The following ROBO2 variants were observed in gnomAD, a reference collection of about 807,000 sequenced individuals.
ROBO2 encodes the protein roundabout guidance receptor 2.
Under a neutral mutation model 160.8 loss-of-function variants are expected in ROBO2, and 53 were observed. The ratio of observed to expected loss-of-function variants is 0.33; its 90% CI spans 0.26 to 0.41. The LOEUF (loss-of-function observed/expected upper bound fraction) is 0.41. Among genes scored for constraint, ROBO2 ranks in the 10% least tolerant of loss-of-function variants. The probability of loss-of-function intolerance (pLI) is 1.00; values close to 1 mark genes in which losing one functional copy is unlikely to be tolerated. For missense variants in ROBO2, 1,577 were observed against 1,722.4 expected, an observed-to-expected ratio of 0.92 and a Z score of 1.49; for synonymous variants, 664 against 611.7, an observed-to-expected ratio of 1.09 and a Z score of -1.26.
intron 2 of ROBO2, among the ~76,000 whole-genome samples, chr3:77,221,721 A>G (rs1238309573): frequency 1.3e-5 from 2 of 152,226 alleles, no homozygotes; most frequent in African/African-American, 4.8e-5. Flanking sequence ...AAAGATCTAT[A>G]AAATAACAAT....
intron 2 of ROBO2, among the ~76,000 whole-genome samples, chr3:77,175,878 C>T (rs151126104): frequency 2.0e-5 from 3 of 151,984 alleles, no homozygotes; most frequent in East Asian, 3.9e-4. Flanking sequence ...TTTCAGATAA[C>T]GTTTTGGAAA....
rs1456962562 is a variant in ROBO2, at chr3:77,604,093, A to G, written c.3136+1602A>G. The G allele has an allele frequency of 3.3e-5, 5 of 152,198 alleles. 1 individual carries two copies. Among genetic ancestry groups the G allele is most frequent in the Admixed American group, 2.0e-4 (3 of 15,280 alleles). The allele number at this position is 152,198 out of a possible 1,614,324, so 9.4% of individuals were successfully genotyped here. A position where few individuals can be genotyped will look rare whatever the true frequency, so the allele number is the denominator to read the frequency against. On this transcript the variant is annotated intron_variant, in intron 20 of 25. Coordinates refer to ENST00000461745, the Ensembl canonical transcript of ROBO2. ...CAGGAGATGGAACCCTTTCAGTCTG[A>G]AAATGTTAATGCTCCCTCTTCCCTT...
rs146798401 is a variant in ROBO2, at chr3:77,619,002, A to G, written c.3554+1229A>G. ...CAGACTCAAGCTGAAGGGTTCTCAA[A>G]TTTGCCACATTTTAGAACCATTTGG... On this transcript the variant is annotated intron_variant, in intron 22 of 25. Transcript: ENST00000461745. 9.9e-4 allele frequency among the ~76,000 whole-genome samples: 150 copies of G among 152,206 alleles called. 1 individual carries two copies. The highest frequency in any genetic ancestry group is 1.6e-3 in the Admixed American group (25 of 15,288).
chr3:76,941,452 C>T (rs1322558942), intron 2 of ROBO2, among the ~76,000 whole-genome samples: 1 of 152,110 alleles, frequency 6.6e-6, no homozygotes, highest in Non-Finnish European at 1.5e-5. Context: ...CCCTCTGACC[C>T]TTGCCTTCCT....
At chr3:77,645,980 G>A in intron 25 of ROBO2, 74 bp from the exon 28 acceptor site, 1 of 1,092,708 alleles carries the variant, frequency 9.2e-7, no homozygotes. Flanking sequence ...TGTTGGCTTT[G>A]CTTTTTGTTA....
chr3:76,340,213 T>C (rs1460427072), intron 2 of ROBO2, among the ~76,000 whole-genome samples: 2 of 152,110 alleles, frequency 1.3e-5, no homozygotes, highest in Non-Finnish European at 2.9e-5. Flanking sequence ...AATACAAAGA[T>C]GAGTTAAAAG....
intron 2 of ROBO2, among the ~76,000 whole-genome samples, chr3:76,059,066 T>C (rs1249076126): frequency 1.3e-5 from 2 of 151,362 alleles, no homozygotes; most frequent in African/African-American, 4.9e-5. Context: ...ACATTTGGGT[T>C]GGTTCCAAGT....
At chr3:75,929,381 C>T (rs570371047) in intron 1 of ROBO2, among the ~76,000 whole-genome samples, 2 of 152,230 alleles carry the variant, frequency 1.3e-5, no homozygotes, top group South Asian at 4.1e-4. Flanking sequence ...ATTTACTAAG[C>T]TGCAGGAAAC....
intron 2 of ROBO2, among the ~76,000 whole-genome samples, chr3:77,361,784 A>AT (rs1215213569): frequency 3.9e-5 from 6 of 152,172 alleles, no homozygotes; most frequent in Admixed American, 1.3e-4. Context: ...GAGGGACATG[A>AT]ACATTCAGAC....
intron 1 of ROBO2, among the ~76,000 whole-genome samples, chr3:77,046,900 G>A (rs1403307723): frequency 2.6e-5 from 4 of 152,198 alleles, no homozygotes; most frequent in Admixed American, 1.3e-4. Flanking sequence ...TCATGACTTG[G>A]TAGGGAAGGT....
rs2088954318 is a variant in ROBO2 at position 76,620,226 on chromosome 3, T to C, written c.110-477788T>C. Among the ~76,000 whole-genome samples the C allele has an allele frequency of 1.3e-5, 2 of 152,174 alleles. 1 individual carries two copies. The highest frequency in any genetic ancestry group is 4.1e-4 in the South Asian group (2 of 4,832). Reference sequence around the variant, plus strand: ...GATATGACTAAATGCCATTTCTCCATGAGGATTTTCTTAATATGCTGTTTA... The same window carrying C: ...GATATGACTAAATGCCATTTCTCCACGAGGATTTTCTTAATATGCTGTTTA... On this transcript the variant is annotated intron_variant, in intron 2 of 26. Coordinates refer to the ROBO2 transcript ENST00000487694.
intron 2 of ROBO2, among the ~76,000 whole-genome samples, chr3:76,110,624 T>G (rs751266471): frequency 2.6e-5 from 4 of 152,110 alleles, no homozygotes; most frequent in Non-Finnish European, 4.4e-5. Flanking sequence ...CTATGGAATC[T>G]TGAAAGTCTA....
At chr3:76,043,091 A>G (rs1267395160) in intron 2 of ROBO2, among the ~76,000 whole-genome samples, 5 of 151,996 alleles carry the variant, frequency 3.3e-5, no homozygotes, top group South Asian at 2.1e-4. Flanking sequence ...AATATCTTCA[A>G]CGGGGTTCTT....
intron 8 of ROBO2, among the ~76,000 whole-genome samples, chr3:77,553,893 G>T (rs2093016037): frequency 3.4e-5 from 1 of 29,780 alleles, no homozygotes; most frequent in Non-Finnish European, 7.0e-5. Context: ...GCTTTATCAA[G>T]TTATTCAAGT....
At chr3:76,808,271 T>C (rs956342683) in intron 2 of ROBO2, among the ~76,000 whole-genome samples, 2 of 152,154 alleles carry the variant, frequency 1.3e-5, no homozygotes, top group Admixed American at 6.6e-5. Flanking sequence ...CAATTGAAGA[T>C]ATGACGTGCA....
At chr3:76,204,401 G>A (rs1702703001) in intron 2 of ROBO2, among the ~76,000 whole-genome samples, 1 of 151,598 alleles carries the variant, frequency 6.6e-6, no homozygotes, top group African/African-American at 2.4e-5. Context: ...TAACTTACAG[G>A]TTTGAATTAT....
chr3:76,367,837 A>T (rs2075902633), intron 2 of ROBO2, among the ~76,000 whole-genome samples: 1 of 151,928 alleles, frequency 6.6e-6, no homozygotes, highest in Non-Finnish European at 1.5e-5. Context: ...TTATTAATTC[A>T]TTTCCACAAG....
chr3:76,285,456 A>G (rs1465726382), intron 2 of ROBO2, among the ~76,000 whole-genome samples: 1 of 152,114 alleles, frequency 6.6e-6, no homozygotes, highest in African/African-American at 2.4e-5. Context: ...AAGCTACAGA[A>G]TATAAAATCT....
intron 2 of ROBO2, among the ~76,000 whole-genome samples, chr3:76,365,215 G>A (rs555389380): frequency 3.9e-5 from 6 of 151,940 alleles, no homozygotes; most frequent in Non-Finnish European, 8.8e-5. Flanking sequence ...TGTGCCCAAT[G>A]GTATTTTCTG....
Sources: gnomAD v4.1 joint callset for allele counts (sites outside exome capture counted in the v4.1 genomes callset) on GRCh38, gnomAD v4.1.1 for gene constraint, MANE v1.5 for transcripts, NCBI Gene and HGNC (gene_info 2026-07-23, HGNC 2026-07-21) for gene names.